RIPOR2: variants seen among roughly 807,000 people sequenced by gnomAD.
RIPOR2 encodes RHO family interacting cell polarization regulator 2.
RIPOR2 carries 39 observed loss-of-function variants against 114.5 expected under a neutral mutation model. The ratio of observed to expected loss-of-function variants is 0.34; its 90% CI spans 0.26 to 0.44. The LOEUF (loss-of-function observed/expected upper bound fraction) is 0.44, where lower values mean the gene tolerates loss of function less well. Ranked by LOEUF, RIPOR2 falls within the 20% of genes least tolerant of loss-of-function variation. The pLI is 1.00. For synonymous variants in RIPOR2, 445 were observed against 484.4 expected, an observed-to-expected ratio of 0.92 and a Z score of 1.07; for missense variants, 1,007 against 1,255.1, an observed-to-expected ratio of 0.80 and a Z score of 2.99.
chr6:24,958,198 T>C (rs1773132507), intron 1 of RIPOR2, among the ~76,000 whole-genome samples: 3 of 152,196 alleles, frequency 2.0e-5, no homozygotes, highest in Non-Finnish European at 2.9e-5. Flanking sequence ...ATAATAACTA[T>C]GGTTATTATA....
At chr6:24,907,404 C>T (rs1769105098) in intron 1 of RIPOR2, among the ~76,000 whole-genome samples, 1 of 152,120 alleles carries the variant, frequency 6.6e-6, no homozygotes, top group Non-Finnish European at 1.5e-5. Context: ...GAATTAAATC[C>T]AGCACAGGGC....
At chr6:24,874,563 G>T (rs995683155) in intron 2 of RIPOR2, among the ~76,000 whole-genome samples, 2 of 152,232 alleles carry the variant, frequency 1.3e-5, no homozygotes, top group African/African-American at 4.8e-5. Context: ...GCTACCTAGA[G>T]TCAAAGTCTG....
At chr6:24,840,652 GGCACAAAA>G in intron 13 of RIPOR2, 1 of 1,532,946 alleles carries the variant, frequency 6.5e-7, no homozygotes. Flanking sequence ...CACTCAAGAT[GGCACAAAA>G]GCACATGGGA....
In RIPOR2 at chr6:24,861,021, C is replaced by A; in HGVS notation, c.667G>T (p.Glu223Ter). The change falls in exon 8 of 22, where the codon GAA becomes TAA. Residue 223 changes from glutamate (E) to a stop codon, truncating the protein, a stop_gained. Transcript: ENST00000643898. LOFTEE classifies it high-confidence loss of function. ...KEYTENMCTIEVELENLLGEF... is the reference protein window; with the variant it reads ...KEYTENMCTI ...CCCAGCAGATTCTCTAGCTCCACTT[C>A]AATGGTGCACATATTCTGCAAAGAG... is the stretch of plus-strand genomic sequence containing the variant. 1 of 1,609,874 alleles carries A rather than the reference C, an allele frequency of 6.2e-7. No homozygotes were observed. Among genetic ancestry groups the A allele is most frequent in the Non-Finnish European group, 8.5e-7 (1 of 1,176,942 alleles).
At chr6:24,809,589 CA>C in intron 21 of RIPOR2, 127 bp downstream of exon 21, 1 of 665,782 alleles carries the variant, frequency 1.5e-6, no homozygotes, top group South Asian at 1.8e-5. Context: ...AGACAGCCTA[CA>C]GCGGGGAAAC....
intron 1 of RIPOR2, among the ~76,000 whole-genome samples, chr6:24,891,505 G>C (rs537458717): frequency 7.1e-6 from 1 of 141,092 alleles, no homozygotes; most frequent in Admixed American, 7.1e-5. Flanking sequence ...TGTAATGACA[G>C]TAACGAGATA....
chr6:24,986,934 T>C lies in RIPOR2; in HGVS notation c.76+54917A>G, dbSNP rs1050426111. Among the ~76,000 whole-genome samples, 6 of 145,602 alleles carry C rather than the reference T, an allele frequency of 4.1e-5. No individual in the cohort carries two copies. The South Asian group carries it at 1.1e-3, about 27-fold the overall frequency. The stretch of plus-strand genomic sequence containing the variant: ...GCTGATGAGCTAAAAAAAAAAAAAA[T>C]TGCAAAAAATCTCATAATGTTTTTA... On this transcript the variant is annotated intron_variant, in intron 1 of 13. Transcript: ENST00000510784.
At chr6:24,928,415 TTC>T (rs1430610464) in intron 1 of RIPOR2, among the ~76,000 whole-genome samples, 3 of 152,360 alleles carry the variant, frequency 2.0e-5, no homozygotes, top group Non-Finnish European at 4.4e-5. Context: ...TTCATATTTA[TTC>T]TCTCTCAGAG....
upstream of RIPOR2, among the ~76,000 whole-genome samples, chr6:24,938,819 T>C (rs1771956968): frequency 6.6e-6 from 1 of 152,170 alleles, no homozygotes; most frequent in African/African-American, 2.4e-5. Context: ...TGGTTCTTGC[T>C]CTCCAAAGTT....
At chr6:24,808,876 C>T in intron 21 of RIPOR2, among the ~76,000 whole-genome samples, 1 of 151,566 alleles carries the variant, frequency 6.6e-6, no homozygotes, top group South Asian at 2.1e-4. Flanking sequence ...TCTCCTACCT[C>T]AGCCTCCCAA....
At chr6:24,914,547 G>A (rs1252501131) in intron 1 of RIPOR2, among the ~76,000 whole-genome samples, 1 of 152,190 alleles carries the variant, frequency 6.6e-6, no homozygotes, top group Non-Finnish European at 1.5e-5. Context: ...AGCACTATGG[G>A]TGCTATAGGA....
chr6:25,010,904 C>T (rs1293048881), intron 1 of RIPOR2, among the ~76,000 whole-genome samples: 8 of 152,172 alleles, frequency 5.3e-5, no homozygotes, highest in Non-Finnish European at 7.4e-5. Context: ...GATCCCCATG[C>T]GTGCTACACT....
intron 3 of RIPOR2, among the ~76,000 whole-genome samples, chr6:24,873,281 A>C (rs930032529): frequency 6.6e-6 from 1 of 152,232 alleles, no homozygotes; most frequent in African/African-American, 2.4e-5. Context: ...CAAATAGAAC[A>C]AATAGTGAAT....
chr6:24,855,926 C>T (rs1763425846), intron 8 of RIPOR2, among the ~76,000 whole-genome samples: 1 of 152,034 alleles, frequency 6.6e-6, no homozygotes, highest in African/African-American at 2.4e-5. Flanking sequence ...CCCAGTTACT[C>T]AGGAGGTTGA....
At chr6:24,905,546 C>G (rs1438942098) in intron 1 of RIPOR2, among the ~76,000 whole-genome samples, 1 of 152,202 alleles carries the variant, frequency 6.6e-6, no homozygotes, top group Non-Finnish European at 1.5e-5. Flanking sequence ...AACCTTGAAC[C>G]TCTGCATATC....
intron 1 of RIPOR2, among the ~76,000 whole-genome samples, chr6:24,994,100 G>A (rs1008283521): frequency 6.6e-6 from 1 of 152,146 alleles, no homozygotes; most frequent in Non-Finnish European, 1.5e-5. Context: ...ACAAAGGTAT[G>A]ACACACAGTA....
At chr6:24,806,991 T>G (rs1294932908) in intron 21 of RIPOR2, among the ~76,000 whole-genome samples, 2 of 152,230 alleles carry the variant, frequency 1.3e-5, no homozygotes, top group Non-Finnish European at 2.9e-5. Flanking sequence ...TAGTTCAGTT[T>G]TGTCCGTAAC....
In RIPOR2 at chr6:25,020,473, T is replaced by A. The variant is rs569895677; in HGVS notation, c.76+21378A>T. Among the ~76,000 whole-genome samples the A allele has an allele frequency of 2.0e-5, 3 of 152,374 alleles. No homozygotes were observed. The East Asian group carries it at 5.8e-4, about 29-fold the overall frequency. On this transcript the variant is annotated intron_variant, in intron 1 of 13. Coordinates refer to the RIPOR2 transcript ENST00000510784. ...ACTATCCAATAAGTCAATGTGATAT[T>A]CATCTTGATTCTTACTGTGAATGAG...
chr6:24,828,922 A>G (rs952444331), intron 17 of RIPOR2, among the ~76,000 whole-genome samples: 1 of 152,214 alleles, frequency 6.6e-6, no homozygotes, highest in Non-Finnish European at 1.5e-5. Flanking sequence ...GGAATTATAT[A>G]GTATGTACTT....
Sources: gnomAD v4.1 joint callset for allele counts (sites outside exome capture counted in the v4.1 genomes callset) on GRCh38, gnomAD v4.1.1 for gene constraint, MANE v1.5 for transcripts, NCBI Gene and HGNC (gene_info 2026-07-23, HGNC 2026-07-21) for gene names.